The following ANKRD44 variants were observed in gnomAD, a reference collection of about 807,000 sequenced individuals.
The protein encoded by ANKRD44 is ankyrin repeat domain 44, also known as serine/threonine-protein phosphatase 6 regulatory ankyrin repeat subunit B.
ANKRD44 carries 35 observed loss-of-function variants against 116.0 expected under a neutral mutation model. That is an observed-to-expected ratio of 0.30 (90% confidence interval 0.23 to 0.40). The LOEUF (loss-of-function observed/expected upper bound fraction) is 0.40. ANKRD44 is among the 10% of genes least tolerant of loss of function. The probability of loss-of-function intolerance (pLI) is 1.00; values close to 1 mark genes in which losing one functional copy is unlikely to be tolerated. For synonymous variants in ANKRD44, 435 were observed against 461.8 expected, an observed-to-expected ratio of 0.94 and a Z score of 0.74; for missense variants, 1,014 against 1,242.6, an observed-to-expected ratio of 0.82 and a Z score of 2.77.
chr2:197,140,903 T>C (rs188329287), intron 3 of ANKRD44, among the ~76,000 whole-genome samples: 3 of 152,028 alleles, frequency 2.0e-5, no homozygotes, highest in East Asian at 3.9e-4. Flanking sequence ...ATATCAATTA[T>C]ACTTCAATAA....
At chr2:197,077,071 G>C (rs1269414420) in intron 16 of ANKRD44, among the ~76,000 whole-genome samples, 1 of 152,148 alleles carries the variant, frequency 6.6e-6, no homozygotes, top group East Asian at 1.9e-4. Flanking sequence ...AGGTCTTTGA[G>C]GAATTGCCAC....
chr2:197,279,528 C>T (rs2083203589), intron 1 of ANKRD44, among the ~76,000 whole-genome samples: 1 of 152,166 alleles, frequency 6.6e-6, no homozygotes, highest in African/African-American at 2.4e-5. Context: ...CTCTCCCATC[C>T]AATCTCCCAC....
At position 197,115,653 on chromosome 2, in the gene ANKRD44, A is replaced by G. The variant is rs558569201; in HGVS notation, c.907-4809T>C. ...GTGGATAGGTAATGGCTGCATTTCA[A>G]TATGCTACTTCCCTCAACTTTTGGA... is the stretch of plus-strand genomic sequence containing the variant. On this transcript the variant is annotated intron_variant, in intron 8 of 27. Coordinates refer to ENST00000282272, the MANE Select transcript of ANKRD44 (RefSeq NM_001195144.2). Among the ~76,000 whole-genome samples the G allele has an allele frequency of 2.6e-5, 4 of 152,360 alleles. No homozygotes were observed. The South Asian group carries it at 6.2e-4, about 24-fold the overall frequency.
intron 1 of ANKRD44, among the ~76,000 whole-genome samples, chr2:197,279,336 A>G (rs984874897): frequency 1.3e-5 from 2 of 152,230 alleles, no homozygotes; most frequent in African/African-American, 4.8e-5. Context: ...CAGTCCAGGC[A>G]GTAAACAAGC....
chr2:197,076,637 T>C (rs1031508534), intron 16 of ANKRD44, among the ~76,000 whole-genome samples: 7 of 152,014 alleles, frequency 4.6e-5, no homozygotes, highest in Non-Finnish European at 1.0e-4. Flanking sequence ...TTATTTTTTC[T>C]TATTTTCTCC....
intron 9 of ANKRD44, among the ~76,000 whole-genome samples, chr2:197,102,085 A>C (rs185226552): frequency 1.1e-4 from 16 of 152,304 alleles, no homozygotes; most frequent in Admixed American, 3.9e-4. Context: ...AAAACAAAAA[A>C]AAATCCCCCT....
intron 10 of ANKRD44, among the ~76,000 whole-genome samples, chr2:197,094,040 G>C (rs540653126): frequency 6.6e-6 from 1 of 152,264 alleles, no homozygotes; most frequent in East Asian, 1.9e-4. Flanking sequence ...AATAAATGAG[G>C]TCTGCAGGCC....
chr2:197,202,806 G>C (rs2081123268), intron 1 of ANKRD44, among the ~76,000 whole-genome samples: 1 of 151,974 alleles, frequency 6.6e-6, no homozygotes, highest in South Asian at 2.1e-4. Flanking sequence ...TTGAACTCCT[G>C]GGCTCAAGTG....
intron 2 of ANKRD44, among the ~76,000 whole-genome samples, chr2:197,182,835 C>G (rs901958823): frequency 6.6e-6 from 1 of 152,130 alleles, no homozygotes; most frequent in Non-Finnish European, 1.5e-5. Flanking sequence ...CTGTGTTGTT[C>G]AAGGGTCAGC....
chr2:197,221,405 G>A (rs1007521955), intron 1 of ANKRD44, among the ~76,000 whole-genome samples: 1 of 152,136 alleles, frequency 6.6e-6, no homozygotes. Flanking sequence ...AGCCTCCTGA[G>A]TAGCTGAGAC....
chr2:197,184,969 A>G (rs1357771828), intron 2 of ANKRD44, among the ~76,000 whole-genome samples: 2 of 152,238 alleles, frequency 1.3e-5, no homozygotes, highest in Admixed American at 1.3e-4. Context: ...AATGAAGGCC[A>G]TTCAGGGGCC....
chr2:197,089,845 A>G, intron 11 of ANKRD44, 105 bp downstream of exon 11: 2 of 883,154 alleles, frequency 2.3e-6, no homozygotes. Flanking sequence ...CGAGTCAGGT[A>G]ATGACATGAA....
Position 197,000,457 on chromosome 2 carries a change from T to C in ANKRD44, c.2481A>G (p.Ile827Met). Reference protein sequence around the residue: ...GNCASLLLGAIDSSIVSCRDD... With the variant: ...GNCASLLLGAMDSSIVSCRDD... ...CTCTACAACTGACGATACTGGAATC[T>C]ATGGCCCCAAGCAGCAATGATGCAC... The change falls in exon 23 of 28, where the codon ATA becomes ATG. Residue 827 changes from isoleucine (I) to methionine (M), a missense_variant. Physicochemically the swap from Ile to Met is conservative, Grantham distance 10. Coordinates refer to ENST00000282272, the MANE Select transcript of ANKRD44 (RefSeq NM_001195144.2). 6.2e-7 allele frequency: 1 copy of C among 1,614,162 alleles called. No homozygotes were observed. Among genetic ancestry groups the C allele is most frequent in the Non-Finnish European group, 8.5e-7 (1 of 1,180,002 alleles).
chr2:197,179,458 A>G (rs985192013), intron 2 of ANKRD44, among the ~76,000 whole-genome samples: 5 of 152,198 alleles, frequency 3.3e-5, no homozygotes, highest in South Asian at 2.1e-4. Context: ...CTCTGTCCAA[A>G]TGCGTATCTA....
chr2:197,238,693 C>T (rs893151356), intron 1 of ANKRD44, among the ~76,000 whole-genome samples: 8 of 152,034 alleles, frequency 5.3e-5, no homozygotes, highest in Admixed American at 5.2e-4. Flanking sequence ...ACCCAGGTTC[C>T]ATCTATCTTT....
chr2:197,099,719 A>G (rs2078244651), intron 10 of ANKRD44, 97 bp downstream of exon 10: 2 of 1,521,490 alleles, frequency 1.3e-6, no homozygotes, highest in Admixed American at 4.4e-5. Flanking sequence ...ATCCACCTTA[A>G]CCTGGATAAA....
chr2:197,047,379 C>T (rs537805447), intron 16 of ANKRD44, among the ~76,000 whole-genome samples: 17 of 152,122 alleles, frequency 1.1e-4, no homozygotes, highest in South Asian at 1.0e-3. Flanking sequence ...TAAGTGGACA[C>T]GAAATACCAT....
chr2:197,192,542 GCAATAATCTAGCCATATGAAGCCAT>G (rs1211633996), intron 1 of ANKRD44, among the ~76,000 whole-genome samples: 1 of 152,146 alleles, frequency 6.6e-6, no homozygotes, highest in Non-Finnish European at 1.5e-5. Flanking sequence ...AGCTGATACA[GCAATAATCTAGCCATATGAAGCCAT>G]CAACTTATAT....
At chr2:197,050,969 C>CT (rs11428405) in intron 16 of ANKRD44, among the ~76,000 whole-genome samples, 96,753 of 134,824 alleles carry the variant, frequency 0.72, 35,020 homozygotes, top group South Asian at 0.81. Context: ...GTCTCCCTTA[C>CT]TTTTTTTTTT....
Sources: gnomAD v4.1 joint callset for allele counts (sites outside exome capture counted in the v4.1 genomes callset) on GRCh38, gnomAD v4.1.1 for gene constraint, MANE v1.5 for transcripts, NCBI Gene and HGNC (gene_info 2026-07-23, HGNC 2026-07-21) for gene names.